The following MSRB3 variants were observed in gnomAD, a reference collection of about 807,000 sequenced individuals.
MSRB3 encodes methionine-R-sulfoxide reductase B3.
In MSRB3, 13 loss-of-function variants were observed where a neutral mutation model predicts 21.0. The ratio of observed to expected loss-of-function variants is 0.62; its 90% confidence interval spans 0.40 to 0.98. The LOEUF is 0.98. Among genes scored for constraint, MSRB3 ranks in the 50% least tolerant of loss-of-function variants. The pLI is 0.00. For missense variants in MSRB3, 199 were observed against 230.3 expected (o/e 0.86, Z 0.88); for synonymous variants, 87 against 88.6 (o/e 0.98, Z 0.10).
At chr12:65,452,138 T>A (rs1296106753) in intron 5 of MSRB3, among the ~76,000 whole-genome samples, 1 of 152,188 alleles carries the variant, frequency 6.6e-6, no homozygotes, top group Non-Finnish European at 1.5e-5. Flanking sequence ...GGTAGCTTTA[T>A]GGTAAATTTA....
chr12:65,359,637 C>A (rs1016106989), intron 4 of MSRB3, among the ~76,000 whole-genome samples: 1 of 152,112 alleles, frequency 6.6e-6, no homozygotes, highest in Non-Finnish European at 1.5e-5. Flanking sequence ...TGATTAGAAT[C>A]TTCTGGTATG....
chr12:65,303,465 C>T (rs1020171061), intron 1 of MSRB3, among the ~76,000 whole-genome samples: 2 of 152,060 alleles, frequency 1.3e-5, no homozygotes, highest in Admixed American at 6.6e-5. Flanking sequence ...AACTTCCCAC[C>T]TCTTCATAGG....
chr12:65,342,962 A>G (rs1347557332), intron 4 of MSRB3, among the ~76,000 whole-genome samples: 1 of 152,094 alleles, frequency 6.6e-6, no homozygotes, highest in Non-Finnish European at 1.5e-5. Context: ...TGGTGCAATT[A>G]TAGGTGATTT....
chr12:65,430,011 T>G (rs1881801080), intron 5 of MSRB3, among the ~76,000 whole-genome samples: 1 of 152,188 alleles, frequency 6.6e-6, no homozygotes, highest in Non-Finnish European at 1.5e-5. Context: ...CTAGAAATTT[T>G]ACTACATTTT....
chr12:65,395,740 T>C (rs1013273547), intron 5 of MSRB3, among the ~76,000 whole-genome samples: 1 of 152,160 alleles, frequency 6.6e-6, no homozygotes, highest in Non-Finnish European at 1.5e-5. Flanking sequence ...GTTGGATAGA[T>C]TGTATCTGTT....
intron 1 of MSRB3, among the ~76,000 whole-genome samples, chr12:65,292,993 A>G (rs896269250): frequency 2.0e-5 from 3 of 152,144 alleles, no homozygotes; most frequent in Non-Finnish European, 1.5e-5. Context: ...AAAAAGTAAA[A>G]GCAGAATTCC....
chr12:65,321,412 G>T (rs1874655062), intron 2 of MSRB3, among the ~76,000 whole-genome samples: 1 of 152,122 alleles, frequency 6.6e-6, no homozygotes. Flanking sequence ...AAAAAATCTT[G>T]GATCAGTGGT....
At chr12:65,348,774 C>A (rs1189074668) in intron 4 of MSRB3, among the ~76,000 whole-genome samples, 1 of 152,150 alleles carries the variant, frequency 6.6e-6, no homozygotes, top group Non-Finnish European at 1.5e-5. Flanking sequence ...CCCAGAGATT[C>A]TGGTATGTTG....
intron 2 of MSRB3, among the ~76,000 whole-genome samples, chr12:65,318,399 GTCGGTGC>G (rs1274380755): frequency 5.3e-5 from 8 of 152,256 alleles, no homozygotes; most frequent in African/African-American, 1.9e-4. Context: ...CTCCCTAGCA[GTCGGTGC>G]TCCCAAGGGG....
intron 3 of MSRB3, 51 bp from the exon 4 acceptor site, chr12:65,328,475 G>A: frequency 7.7e-7 from 1 of 1,290,864 alleles, no homozygotes; most frequent in Non-Finnish European, 1.1e-6. Flanking sequence ...AATACATTCT[G>A]TAAGAAATAA....
At chr12:65,329,040 C>G (rs1325390507) in intron 4 of MSRB3, among the ~76,000 whole-genome samples, 1 of 152,070 alleles carries the variant, frequency 6.6e-6, no homozygotes, top group Admixed American at 6.6e-5. Context: ...AGGGAAATAC[C>G]TGTATTGAAT....
At chr12:65,388,826 C>T (rs151237562) in intron 5 of MSRB3, among the ~76,000 whole-genome samples, 95 of 152,172 alleles carry the variant, frequency 6.2e-4, no homozygotes, top group Non-Finnish European at 1.1e-3. Context: ...GCGCCATGAT[C>T]GTTCGCTGCA....
At chr12:65,458,717 A>G (rs573145641) in intron 6 of MSRB3, among the ~76,000 whole-genome samples, 6 of 152,328 alleles carry the variant, frequency 3.9e-5, no homozygotes, top group African/African-American at 1.4e-4. Context: ...TATCTCTTCC[A>G]AAGAGGATCT....
At chr12:65,443,338 C>T (rs1007799818) in intron 5 of MSRB3, among the ~76,000 whole-genome samples, 1 of 152,084 alleles carries the variant, frequency 6.6e-6, no homozygotes, top group African/African-American at 2.4e-5. Context: ...GATAAGGCTA[C>T]ACCGTTTGTA....
chr12:65,423,700 A>G (rs560693884), intron 5 of MSRB3, among the ~76,000 whole-genome samples: 1 of 152,266 alleles, frequency 6.6e-6, no homozygotes, highest in South Asian at 2.1e-4. Flanking sequence ...CTTGGTCATG[A>G]TGAATCATTC....
chr12:65,408,480 C>T (rs775071487), intron 5 of MSRB3, among the ~76,000 whole-genome samples: 1 of 152,144 alleles, frequency 6.6e-6, no homozygotes, highest in Non-Finnish European at 1.5e-5. Flanking sequence ...GTTTATCTGA[C>T]TAGGAGGTAG....
At chr12:65,397,744 G>C (rs556645848) in intron 5 of MSRB3, among the ~76,000 whole-genome samples, 96 of 152,046 alleles carry the variant, frequency 6.3e-4, no homozygotes, top group Non-Finnish European at 1.2e-3. Flanking sequence ...TTCTCCTGAT[G>C]CTATCTCTCC....
chr12:65,399,038 T>G (rs1592599936), intron 5 of MSRB3, among the ~76,000 whole-genome samples: 1 of 152,104 alleles, frequency 6.6e-6, no homozygotes, highest in South Asian at 2.1e-4. Flanking sequence ...AGTCAGGTAG[T>G]GTGATGCCTC....
At chr12:65,317,610 T>A (rs1258055125) in intron 2 of MSRB3, among the ~76,000 whole-genome samples, 1 of 152,140 alleles carries the variant, frequency 6.6e-6, no homozygotes, top group Non-Finnish European at 1.5e-5. Context: ...GAATGCTGGA[T>A]CAGGTAATCT....
Sources: gnomAD v4.1 joint callset for allele counts (sites outside exome capture counted in the v4.1 genomes callset) on GRCh38, gnomAD v4.1.1 for gene constraint, MANE v1.5 for transcripts, NCBI Gene and HGNC (gene_info 2026-07-23, HGNC 2026-07-21) for gene names.